The following AFG1L variants were observed in gnomAD, a reference collection of about 807,000 sequenced individuals.
AFG1L encodes the protein AFG1 like ATPase.
AFG1L carries 53 observed loss-of-function variants against 62.2 expected under a neutral mutation model. The observed-to-expected ratio is 0.85, with a 90% CI of 0.68 to 1.07. The LOEUF (loss-of-function observed/expected upper bound fraction) is 1.07. Among genes scored for constraint, AFG1L ranks in the 50% least tolerant of loss-of-function variants. The pLI is 0.00. For missense variants in AFG1L, 555 were observed against 590.5 expected (o/e 0.94, Z 0.62); for synonymous variants, 228 against 210.3 (o/e 1.08, Z -0.73).
At chr6:108,374,964 C>G (rs958499583) in intron 6 of AFG1L, among the ~76,000 whole-genome samples, 1 of 152,116 alleles carries the variant, frequency 6.6e-6, no homozygotes, top group Non-Finnish European at 1.5e-5. Context: ...AATCCATGAG[C>G]CTGGAATATT....
In AFG1L at chr6:108,511,335, C is replaced by T. The variant is rs573600748; in HGVS notation, c.1203+983C>T. Among the ~76,000 whole-genome samples, 11 of 152,228 alleles carry T rather than the reference C, an allele frequency of 7.2e-5. No homozygotes were observed. The East Asian group carries it at 7.7e-4, about 11-fold the overall frequency. Reference sequence around the variant, plus strand: ...TCTTGTTGTTTGTTTGTTTTTAATCCGCATGTTTTAGTGTGAATTGCCAAG... The same window carrying T: ...TCTTGTTGTTTGTTTGTTTTTAATCTGCATGTTTTAGTGTGAATTGCCAAG... On this transcript the variant is annotated intron_variant, in intron 11 of 12. Coordinates refer to ENST00000368977, the MANE Select transcript of AFG1L (RefSeq NM_145315.5).
intron 8 of AFG1L, among the ~76,000 whole-genome samples, chr6:108,463,286 CAA>C (rs56937746): frequency 8.1e-4 from 33 of 40,512 alleles, no homozygotes; most frequent in African/African-American, 1.6e-3. Context: ...GAGACTCTGT[CAA>C]AAAAAAAAAA....
At chr6:108,436,675 G>C (rs975813230) in intron 7 of AFG1L, among the ~76,000 whole-genome samples, 1 of 152,148 alleles carries the variant, frequency 6.6e-6, no homozygotes, top group Non-Finnish European at 1.5e-5. Flanking sequence ...CATATCATGG[G>C]CTGTGATGAA....
At chr6:108,420,390 TA>T (rs1271923796) in intron 7 of AFG1L, among the ~76,000 whole-genome samples, 1 of 148,226 alleles carries the variant, frequency 6.7e-6, no homozygotes, top group Non-Finnish European at 1.5e-5. Context: ...TTAAATTAAA[TA>T]AAAATATATT....
intron 2 of AFG1L, among the ~76,000 whole-genome samples, chr6:108,326,144 A>G (rs1267555293): frequency 1.3e-5 from 2 of 152,108 alleles, no homozygotes; most frequent in Non-Finnish European, 2.9e-5. Context: ...ATCATAGCTC[A>G]CTAGTAGCCT....
At chr6:108,345,079 A>T (rs1778815158) in intron 2 of AFG1L, among the ~76,000 whole-genome samples, 1 of 152,176 alleles carries the variant, frequency 6.6e-6, no homozygotes, top group African/African-American at 2.4e-5. Flanking sequence ...AATTTATGAA[A>T]GGACAATTTT....
At chr6:108,505,051 CT>C (rs1200970376) in intron 10 of AFG1L, among the ~76,000 whole-genome samples, 1 of 150,576 alleles carries the variant, frequency 6.6e-6, no homozygotes, top group Non-Finnish European at 1.5e-5. Flanking sequence ...CAGCTGAATA[CT>C]TAGAAAACCT....
At chr6:108,516,785 A>G (rs1056202528) in intron 11 of AFG1L, among the ~76,000 whole-genome samples, 3 of 152,236 alleles carry the variant, frequency 2.0e-5, no homozygotes, top group African/African-American at 4.8e-5. Context: ...CCTTAAGCCG[A>G]TAAGCAACTT....
At chr6:108,437,976 C>T (rs898931634) in intron 7 of AFG1L, among the ~76,000 whole-genome samples, 1 of 152,190 alleles carries the variant, frequency 6.6e-6, no homozygotes, top group Non-Finnish European at 1.5e-5. Flanking sequence ...TGTGAATTTA[C>T]TGAGATGTTT....
At chr6:108,485,643 TATATATATATATA>T (rs1201972585) in intron 10 of AFG1L, among the ~76,000 whole-genome samples, 16 of 19,362 alleles carry the variant, frequency 8.3e-4, no homozygotes, top group African/African-American at 3.9e-3. Context: ...TATATATATA[TATATATATATATA>T]TTTTTTTTTT....
At chr6:108,473,355 C>A (rs553374279) in intron 8 of AFG1L, among the ~76,000 whole-genome samples, 332 of 152,128 alleles carry the variant, frequency 2.2e-3, no homozygotes, top group African/African-American at 7.7e-3. Flanking sequence ...AGGAAGATTG[C>A]AAGGAATTAT....
At chr6:108,384,980 G>A (rs925191795) in intron 6 of AFG1L, among the ~76,000 whole-genome samples, 11 of 152,080 alleles carry the variant, frequency 7.2e-5, no homozygotes, top group Non-Finnish European at 1.6e-4. Context: ...AATCCCAGAA[G>A]ACAAAGAGGA....
chr6:108,505,189 G>T (rs900395001), intron 10 of AFG1L, among the ~76,000 whole-genome samples: 11 of 151,662 alleles, frequency 7.3e-5, no homozygotes, highest in African/African-American at 2.4e-4. Flanking sequence ...CCGCGCCCAG[G>T]TTCAAGCGAT....
intron 7 of AFG1L, among the ~76,000 whole-genome samples, chr6:108,413,282 C>A (rs1782201969): frequency 6.6e-6 from 1 of 152,090 alleles, no homozygotes; most frequent in Non-Finnish European, 1.5e-5. Flanking sequence ...CCTTAGAGAC[C>A]TACAAAGAGA....
At chr6:108,372,316 C>T (rs552354681) in intron 6 of AFG1L, among the ~76,000 whole-genome samples, 36 of 150,016 alleles carry the variant, frequency 2.4e-4, no homozygotes, top group African/African-American at 8.3e-4. Context: ...GGTCAATTAC[C>T]AGAGCCAAAC....
At chr6:108,372,151 CTTT>C (rs1334950478) in intron 6 of AFG1L, among the ~76,000 whole-genome samples, 1 of 151,502 alleles carries the variant, frequency 6.6e-6, no homozygotes, top group Non-Finnish European at 1.5e-5. Context: ...TGTAAATTCA[CTTT>C]TTTTCATTTA....
At chr6:108,420,851 T>C (rs1321449699) in intron 7 of AFG1L, among the ~76,000 whole-genome samples, 2 of 152,174 alleles carry the variant, frequency 1.3e-5, no homozygotes, top group Non-Finnish European at 2.9e-5. Flanking sequence ...GAACAATAAA[T>C]AGTTATTTTT....
chr6:108,438,410 C>G (rs1223415423), intron 7 of AFG1L, among the ~76,000 whole-genome samples: 1 of 152,136 alleles, frequency 6.6e-6, no homozygotes, highest in Non-Finnish European at 1.5e-5. Flanking sequence ...TCCACATTTC[C>G]TCTTCTCATA....
intron 1 of AFG1L, chr6:108,318,088 G>A (rs1777675127): frequency 6.5e-6 from 1 of 154,696 alleles, no homozygotes; most frequent in Admixed American, 6.5e-5. Context: ...CATGGTGAAT[G>A]TCTCTAAAAC....
Sources: gnomAD v4.1 joint callset for allele counts (sites outside exome capture counted in the v4.1 genomes callset) on GRCh38, gnomAD v4.1.1 for gene constraint, MANE v1.5 for transcripts, NCBI Gene and HGNC (gene_info 2026-07-23, HGNC 2026-07-21) for gene names.